PRIM2: variants seen among roughly 807,000 people sequenced by gnomAD.
PRIM2 encodes DNA primase large subunit.
PRIM2 carries 39 observed loss-of-function variants against 67.3 expected under a neutral mutation model. The ratio of observed to expected loss-of-function variants is 0.58; its 90% CI spans 0.45 to 0.76. The LOEUF is 0.76. PRIM2 is among the 30% of genes least tolerant of loss of function. PRIM2 has a pLI of 0.00. For synonymous variants in PRIM2, 143 were observed against 198.7 expected (o/e 0.72, Z 2.36); for missense variants, 398 against 598.7 (o/e 0.66, Z 3.50).
chr6:57,529,074 G>T (rs1774829377), intron 8 of PRIM2, among the ~76,000 whole-genome samples: 1 of 152,128 alleles, frequency 6.6e-6, no homozygotes. Context: ...ACTTTGGGAG[G>T]CCGAGGTGGG....
At chr6:57,554,849 T>C (rs1302304346) in intron 10 of PRIM2, among the ~76,000 whole-genome samples, 8 of 152,240 alleles carry the variant, frequency 5.3e-5, no homozygotes, top group Non-Finnish European at 1.2e-4. Flanking sequence ...GTATAATTGC[T>C]AAGGAATGTG....
At chr6:57,433,311 C>T (rs1427380489) in intron 7 of PRIM2, among the ~76,000 whole-genome samples, 3 of 152,024 alleles carry the variant, frequency 2.0e-5, no homozygotes, top group Admixed American at 2.0e-4. Flanking sequence ...CATATGTATA[C>T]ATGTGCCATG....
intron 7 of PRIM2, among the ~76,000 whole-genome samples, chr6:57,456,533 A>G (rs1772787456): frequency 6.6e-6 from 1 of 152,002 alleles, no homozygotes; most frequent in Admixed American, 6.6e-5. Context: ...CATTTGATTC[A>G]TTTGATTTTC....
At chr6:57,418,692 GC>G (rs1334006103) in intron 7 of PRIM2, among the ~76,000 whole-genome samples, 1 of 151,980 alleles carries the variant, frequency 6.6e-6, no homozygotes, top group Non-Finnish European at 1.5e-5. Context: ...GAACCACTGT[GC>G]CCGGCCTGTT....
At position 57,390,855 on chromosome 6, in the gene PRIM2, A is replaced by G. The variant is rs1312959269; in HGVS notation, c.693+8687A>G. Among the ~76,000 whole-genome samples, 3 of 152,290 alleles carry G rather than the reference A, an allele frequency of 2.0e-5. No individual in the cohort carries two copies. The East Asian group carries it at 5.8e-4, about 29-fold the overall frequency. On this transcript the variant is annotated intron_variant, in intron 7 of 13. Coordinates refer to ENST00000615550, the MANE Select transcript of PRIM2 (RefSeq NM_000947.5). ...GGTGCTGCAATGAACATTGGTGTAC[A>G]TATGTCTTGATGGTAGAATGATTTA...
intron 5 of PRIM2, among the ~76,000 whole-genome samples, chr6:57,336,764 C>A (rs7754911): frequency 5.3e-5 from 8 of 151,968 alleles, no homozygotes; most frequent in Non-Finnish European, 1.2e-4. Flanking sequence ...CATGCCAAAA[C>A]GTAAAGACCA....
intron 7 of PRIM2, among the ~76,000 whole-genome samples, chr6:57,406,151 T>G (rs1431068578): frequency 6.6e-6 from 1 of 152,192 alleles, no homozygotes; most frequent in Non-Finnish European, 1.5e-5. Flanking sequence ...TCCCTTGACC[T>G]TGTCTTTTTT....
chr6:57,456,941 G>C (rs865998222), intron 7 of PRIM2, among the ~76,000 whole-genome samples: 1 of 152,162 alleles, frequency 6.6e-6, no homozygotes, highest in Non-Finnish European at 1.5e-5. Context: ...GGCCTTTGAT[G>C]ATGGTGACGT....
the PRIM2 span, among the ~76,000 whole-genome samples, chr6:57,231,276 T>A: frequency 6.6e-6 from 1 of 152,228 alleles, no homozygotes; most frequent in African/African-American, 2.4e-5. Context: ...GAAGGTGTAA[T>A]GAGCTCAGAC....
the PRIM2 span, among the ~76,000 whole-genome samples, chr6:57,243,591 C>G: frequency 6.6e-6 from 1 of 152,204 alleles, no homozygotes; most frequent in South Asian, 2.1e-4. Context: ...GCCTCAGCCT[C>G]CCAAGTAGCC....
chr6:57,533,424 G>GT (rs1562785463), intron 9 of PRIM2, among the ~76,000 whole-genome samples: 1 of 152,178 alleles, frequency 6.6e-6, no homozygotes, highest in East Asian at 1.9e-4. Context: ...GAGAAAGAAC[G>GT]TGAGTTTGGA....
chr6:57,493,120 A>G (rs1554346118), intron 7 of PRIM2, among the ~76,000 whole-genome samples: 4,845 of 152,306 alleles, frequency 0.032, 256 homozygotes, highest in African/African-American at 0.11. Context: ...TAACATGGAC[A>G]AAACTGAATC....
At chr6:57,322,226 A>G (rs2127270949) in intron 3 of PRIM2, among the ~76,000 whole-genome samples, 1 of 152,354 alleles carries the variant, frequency 6.6e-6, no homozygotes, top group East Asian at 1.9e-4. Context: ...TAAGCTGAGC[A>G]GAAGATCTAG....
the PRIM2 span, among the ~76,000 whole-genome samples, chr6:57,303,511 C>T: frequency 6.6e-6 from 1 of 152,098 alleles, no homozygotes; most frequent in African/African-American, 2.4e-5. Context: ...TGTAATTTGG[C>T]ACATACAGAG....
rs556742709 is a variant in PRIM2 at position 57,335,471 on chromosome 6, C to T, written c.459+9426C>T. Among the ~76,000 whole-genome samples, 1,231 of 152,260 alleles carry T rather than the reference C, an allele frequency of 8.1e-3. 21 individuals are homozygous for T. Among genetic ancestry groups the T allele is most frequent in the African/African-American group, 0.028 (1,173 of 41,532 alleles). On this transcript the variant is annotated intron_variant, in intron 5 of 13. Transcript: ENST00000615550. ...AGACTTAAACGTCCCTGTCTGACAG[C>T]TTTGAAGAGAGCAGTGGTTCTCCCA...
upstream of PRIM2, among the ~76,000 whole-genome samples, chr6:57,310,250 A>G (rs1269748264): frequency 2.0e-5 from 3 of 152,134 alleles, no homozygotes; most frequent in Non-Finnish European, 4.4e-5. Context: ...TGTGGTGATG[A>G]CTCTTAACAA....
intron 8 of PRIM2, among the ~76,000 whole-genome samples, chr6:57,511,212 A>G (rs1481257470): frequency 4.6e-5 from 7 of 151,872 alleles, no homozygotes; most frequent in African/African-American, 1.7e-4. Context: ...AATATATATT[A>G]TTTTGAGACT....
chr6:57,557,373 C>T (rs1358589490), intron 10 of PRIM2, among the ~76,000 whole-genome samples: 5 of 152,156 alleles, frequency 3.3e-5, no homozygotes, highest in Admixed American at 6.5e-5. Flanking sequence ...ACCCTAAGTG[C>T]CCATCAGTGA....
chr6:57,452,829 C>T (rs1287656812), intron 7 of PRIM2, among the ~76,000 whole-genome samples: 2 of 152,172 alleles, frequency 1.3e-5, no homozygotes, highest in Non-Finnish European at 2.9e-5. Context: ...GTTGCCATTG[C>T]TTTTGGTGTT....
Sources: allele counts gnomAD v4.1 joint callset (sites outside exome capture counted in the v4.1 genomes callset), GRCh38; gene constraint gnomAD v4.1.1; transcripts MANE v1.5; gene names NCBI Gene and HGNC (gene_info 2026-07-23, HGNC 2026-07-21).